ZNF274: variants seen among roughly 807,000 people sequenced by gnomAD.
ZNF274 encodes neurotrophin receptor-interacting factor homolog.
Under a neutral mutation model 42.5 loss-of-function variants are expected in ZNF274, and 23 were observed. That is an observed-to-expected ratio of 0.54 (90% CI 0.39 to 0.77). The LOEUF is 0.77. ZNF274 is among the 30% of genes least tolerant of loss of function. The pLI is 0.00. For synonymous variants in ZNF274, 292 were observed against 305.4 expected, an observed-to-expected ratio of 0.96 and a Z score of 0.46; for missense variants, 679 against 806.5, an observed-to-expected ratio of 0.84 and a Z score of 1.91.
At chr19:58,209,747 G>C (rs1025461754) in intron 5 of ZNF274, 8 of 480,248 alleles carry the variant, frequency 1.7e-5, no homozygotes, top group African/African-American at 1.6e-4. Context: ...CCCTTGGAGG[G>C]TGAGCCATCC....
chr19:58,183,853 G>C, intron 1 of ZNF274, 68 bp from the exon 2 acceptor site: 2 of 1,110,974 alleles, frequency 1.8e-6, no homozygotes, highest in Non-Finnish European at 2.6e-6. Context: ...TTCCTGGGCG[G>C]AGGCTGCGGT....
chr19:58,188,694 G>GTATATGTATATA (rs1221412961), intron 4 of ZNF274, among the ~76,000 whole-genome samples: 15 of 74,658 alleles, frequency 2.0e-4, no homozygotes, highest in African/African-American at 8.1e-4. Context: ...ATATGTATAT[G>GTATATGTATATA]TATATATATA....
chr19:58,183,096 C>G lies in ZNF274; in HGVS notation c.-392C>G, dbSNP rs1278291149. 1 of 152,658 alleles carries G rather than the reference C, an allele frequency of 6.6e-6. No homozygotes were observed. Among genetic ancestry groups the G allele is most frequent in the Non-Finnish European group, 1.5e-5 (1 of 68,394 alleles). The allele number at this position is 152,658 out of a possible 1,614,324, so 9.5% of individuals were successfully genotyped here. On this transcript the variant is annotated 5_prime_UTR_variant, in exon 1 of 8. Transcript: ENST00000617501. ...TTCCGGCCTGACCCCTGTCCAGCGC[C>G]TTTCCTTTCTCCAGCTTCTGCTCTG...
At chr19:58,197,315 C>G (rs541735111) in intron 4 of ZNF274, among the ~76,000 whole-genome samples, 2 of 152,296 alleles carry the variant, frequency 1.3e-5, no homozygotes, top group East Asian at 1.9e-4. Flanking sequence ...AGCCTTAACT[C>G]TCACCTTATG....
At chr19:58,194,821 G>A (rs937900560) in intron 4 of ZNF274, among the ~76,000 whole-genome samples, 8 of 151,708 alleles carry the variant, frequency 5.3e-5, no homozygotes, top group East Asian at 1.9e-4. Context: ...TGGCTAACAC[G>A]GAAACCCCAT....
chr19:58,183,137 C>T lies in ZNF274; in HGVS notation c.-351C>T, dbSNP rs1386466666. ...TTCTGCTCTGCCCCAAGAGTGGTCG[C>T]CTTCGTGGCAGGGCACGACTCTCTC... is the stretch of plus-strand genomic sequence containing the variant. On this transcript the variant is annotated 5_prime_UTR_variant, in exon 1 of 8. Coordinates refer to ENST00000617501, the MANE Select transcript of ZNF274 (RefSeq NM_133502.3). 6.6e-6 allele frequency: 1 copy of T among 152,470 alleles called. No individual in the cohort carries two copies. Among genetic ancestry groups the T allele is most frequent in the African/African-American group, 2.4e-5 (1 of 41,456 alleles). 9.4% of individuals were successfully genotyped at this position (152,470 alleles called of 1,614,324 possible). A position where few individuals can be genotyped will look rare whatever the true frequency, so the allele number is the denominator to read the frequency against.
At chr19:58,195,443 C>T (rs1185317643) in intron 4 of ZNF274, among the ~76,000 whole-genome samples, 4 of 152,068 alleles carry the variant, frequency 2.6e-5, no homozygotes, top group Non-Finnish European at 5.9e-5. Flanking sequence ...TAAAAACATC[C>T]GTGTGGAAGT....
chr19:58,188,696 A>ATATG (rs1189748259), intron 4 of ZNF274, among the ~76,000 whole-genome samples: 1 of 46,346 alleles, frequency 2.2e-5, no homozygotes, highest in African/African-American at 6.3e-5. Context: ...ATGTATATGT[A>ATATG]TATATATATA....
chr19:58,185,770 TG>T lies in ZNF274; in HGVS notation c.94del (p.Asp32ThrfsTer11). 2 of 1,461,706 alleles carry T rather than the reference TG, an allele frequency of 1.4e-6. No homozygotes were observed. The highest frequency in any genetic ancestry group is 1.8e-6 in the Non-Finnish European group (2 of 1,099,242). The allele number at this position is 1,461,706 out of a possible 1,614,324, so 90.5% of individuals were successfully genotyped here. A position where few individuals can be genotyped will look rare whatever the true frequency, so the allele number is the denominator to read the frequency against. ...LGFTPEEWGL[L>X]DLKQKSLYRE... Reference sequence around the variant, plus strand: ...TTTACCCCGGAAGAGTGGGGACTGCTGGACCTCAAACAGAAGTCCCTGTACA... The same window carrying T: ...TTTACCCCGGAAGAGTGGGGACTGCTGACCTCAAACAGAAGTCCCTGTACA... On this transcript the variant is annotated frameshift_variant, in exon 3 of 8. Transcript: ENST00000617501. LOFTEE classifies it high-confidence loss of function.
intron 4 of ZNF274, among the ~76,000 whole-genome samples, chr19:58,204,125 C>T (rs2075951360): frequency 6.6e-6 from 1 of 152,220 alleles, no homozygotes; most frequent in Non-Finnish European, 1.5e-5. Flanking sequence ...CTGCTGTGGC[C>T]TCAGCGGAAC....
At chr19:58,192,920 T>A (rs1219142240) in intron 4 of ZNF274, among the ~76,000 whole-genome samples, 1 of 152,020 alleles carries the variant, frequency 6.6e-6, no homozygotes, top group African/African-American at 2.4e-5. Flanking sequence ...AAGTTTTATA[T>A]TTTTTTGTCA....
At chr19:58,183,635 G>T in intron 1 of ZNF274, 193 bp downstream of exon 1, 1 of 243,458 alleles carries the variant, frequency 4.1e-6, no homozygotes, top group South Asian at 7.0e-5. Context: ...CAGTGCTTTC[G>T]GGGCGCCGCG....
Position 58,212,620 on chromosome 19 carries a change from A to T in ZNF274, c.1439A>T (p.Glu480Val). 1.2e-6 allele frequency: 2 copies of T among 1,614,040 alleles called. No individual in the cohort carries two copies. Among genetic ancestry groups the T allele is most frequent in the Admixed American group, 1.7e-5 (1 of 60,032 alleles). The change falls in exon 8 of 8, where the codon GAA (glutamate) becomes GTA (valine). Residue 480 changes from glutamate to valine, a missense_variant. Physicochemically the swap from Glu to Val is moderately radical, Grantham distance 121 (BLOSUM62 -2). This residue lies in a region of ZNF274 where 456 missense variants were observed against 590.1 expected (regional missense o/e 0.77). Transcript: ENST00000617501. This position sits in a 1 kb window ranked among gnomAD's most constrained non-coding sequence, Gnocchi z 4.6. ...QKSCERQKAKEGNGCRKTFSR... is the reference protein window; with the variant it reads ...QKSCERQKAKVGNGCRKTFSR... Reference sequence around the variant, plus strand: ...AGCTGTGAAAGGCAAAAGGCCAAGGAAGGCAATGGTTGTAGGAAAACCTTC... The same window carrying T: ...AGCTGTGAAAGGCAAAAGGCCAAGGTAGGCAATGGTTGTAGGAAAACCTTC...
Position 58,212,814 on chromosome 19 carries a change from G to T in ZNF274, c.1633G>T (p.Val545Phe). ...GTGTCAAGACTGTGGGAAAGGATTTGTTCAGAGCTCTTCCCTCACACAGCA... is the reference window on the plus strand; with the variant it reads ...GTGTCAAGACTGTGGGAAAGGATTTTTTCAGAGCTCTTCCCTCACACAGCA... ...YVCQDCGKGF[V>F]QSSSLTQHQR... The change falls in exon 8 of 8, where the codon GTT (valine) becomes TTT (phenylalanine). Residue 545 changes from valine to phenylalanine, a missense_variant. By Grantham distance (50) the Val-to-Phe change is conservative. Around this residue, in one of 2 missense-constraint regions of ZNF274, gnomAD observed 456 missense variants for 590.1 expected, o/e 0.77. Coordinates refer to ENST00000617501, the MANE Select transcript of ZNF274 (RefSeq NM_133502.3). This position sits in a 1 kb window ranked among gnomAD's most constrained non-coding sequence, Gnocchi z 4.6. 1 of 1,614,024 alleles carries T rather than the reference G, an allele frequency of 6.2e-7. No homozygotes were observed. Among genetic ancestry groups the T allele is most frequent in the African/African-American group, 1.3e-5 (1 of 75,068 alleles).
chr19:58,211,648 A>G lies in ZNF274; in HGVS notation c.941A>G (p.Asp314Gly). 2 of 1,613,680 alleles carry G rather than the reference A, an allele frequency of 1.2e-6. No homozygotes were observed. The highest frequency in any genetic ancestry group is 1.7e-6 in the Non-Finnish European group (2 of 1,179,738). The change falls in exon 7 of 8, where the codon GAT becomes GGT. Residue 314 changes from aspartate (D) to glycine (G), a missense_variant. Coordinates refer to ENST00000617501, the MANE Select transcript of ZNF274 (RefSeq NM_133502.3). The surrounding 1 kb of genome is among the most constrained non-coding windows in gnomAD (Gnocchi z 4.8). ...CCGACACAGAGGACCGAGTACCGCG[A>G]TGTGATGCTGGAGACCTTTGGGCAC... ...LGPTQRTEYR[D>G]VMLETFGHLV...
rs951522309 is a variant in ZNF274, at chr19:58,213,202, A to C, written c.*59A>C. ...AGCTTGACCCTGCAATATAACATGC[A>C]CAGGCCTGCTTGTGAATCAGGACTG... On this transcript the variant is annotated 3_prime_UTR_variant, in exon 8 of 8. Coordinates refer to ENST00000617501, the MANE Select transcript of ZNF274 (RefSeq NM_133502.3). The C allele has an allele frequency of 6.5e-7, 1 of 1,537,766 alleles. No homozygotes were observed. Among genetic ancestry groups the C allele is most frequent in the Non-Finnish European group, 8.7e-7 (1 of 1,145,738 alleles).
At position 58,207,344 on chromosome 19, in the gene ZNF274, C is replaced by G. The variant is rs1418922565; in HGVS notation, c.739+142C>G. On this transcript the variant is annotated intron_variant, in intron 5 of 7. Coordinates refer to ENST00000617501, the MANE Select transcript of ZNF274 (RefSeq NM_133502.3). This position sits in a 1 kb window ranked among gnomAD's most constrained non-coding sequence, Gnocchi z 5.6. ...ATACAGACCAAGGACATCCATGTTG[C>G]CCACGTGTTCCTGAGTCAGAGCCAC... 6 of 1,332,546 alleles carry G rather than the reference C, an allele frequency of 4.5e-6. No homozygotes were observed. Among genetic ancestry groups the G allele is most frequent in the African/African-American group, 3.0e-5 (2 of 67,394 alleles). The allele number at this position is 1,332,546 out of a possible 1,614,324, so 82.5% of individuals were successfully genotyped here.
chr19:58,197,632 G>T (rs1044762127), intron 4 of ZNF274, among the ~76,000 whole-genome samples: 2 of 152,182 alleles, frequency 1.3e-5, no homozygotes, highest in African/African-American at 4.8e-5. Flanking sequence ...TGAAGAAGTT[G>T]CAGGAGACAA....
intron 4 of ZNF274, 125 bp from the exon 5 acceptor site, chr19:58,206,595 C>A: frequency 2.7e-6 from 3 of 1,093,738 alleles, no homozygotes; most frequent in Non-Finnish European, 3.9e-6. Flanking sequence ...TTGGTAACAG[C>A]CATGCTAGTG....
Sources: allele counts gnomAD v4.1 joint callset (sites outside exome capture counted in the v4.1 genomes callset), GRCh38; gene constraint gnomAD v4.1.1; regional missense constraint gnomAD v4.1.1; non-coding constraint Gnocchi (gnomAD v3.1); transcripts MANE v1.5; gene names NCBI Gene and HGNC (gene_info 2026-07-23, HGNC 2026-07-21).